SP100: variants seen among roughly 807,000 people sequenced by gnomAD.
SP100 encodes the protein SP100 nuclear body protein, also known as nuclear autoantigen Sp-100.
SP100 carries 84 observed loss-of-function variants against 130.0 expected under a neutral mutation model. The observed-to-expected ratio is 0.65, with a 90% CI of 0.54 to 0.77. The LOEUF (loss-of-function observed/expected upper bound fraction) is 0.77, where lower values mean the gene tolerates loss of function less well. SP100 is among the 30% of genes least tolerant of loss of function. The pLI, the probability that SP100 is intolerant of heterozygous loss-of-function variation, is 0.00. For missense variants in SP100, 978 were observed against 1,052.2 expected (o/e 0.93, Z 0.97); for synonymous variants, 331 against 351.7 (o/e 0.94, Z 0.66).
At position 230,450,160 on chromosome 2, in the gene SP100, G is replaced by A. The variant is rs777069600; in HGVS notation, c.737-12G>A. On this transcript the variant is annotated splice_polypyrimidine_tract_variant and intron_variant, in intron 7 of 28. Transcript: ENST00000340126. ...TCTACTGGATCTCAGCTGTGATCTC[G>A]TTTATCTCCAGAGTCCTGCGAACAA... 8.5e-5 allele frequency: 136 copies of A among 1,603,596 alleles called. No individual in the cohort carries two copies. The highest frequency in any genetic ancestry group is 2.3e-4 in the African/African-American group (17 of 74,712).
chr2:230,515,396 T>A (rs1237983109), intron 24 of SP100: 1 of 1,613,820 alleles, frequency 6.2e-7, no homozygotes, highest in Admixed American at 1.7e-5. Flanking sequence ...ATTGATGATG[T>A]TGTGAAGAAA....
Position 230,494,357 on chromosome 2 carries a change from A to G in SP100, c.1601-59A>G. ...ATGCTTGTAAACTATTGACATATAA[A>G]GTGTGTAAATCTTTGTTTATAGTTC... On this transcript the variant is annotated intron_variant, in intron 17 of 28. Transcript: ENST00000340126. 3.2e-6 allele frequency: 4 copies of G among 1,247,412 alleles called. No individual in the cohort carries two copies. In the South Asian group the frequency reaches 4.8e-5, roughly 15 times the overall value. 77.3% of individuals were successfully genotyped at this position (1,247,412 alleles called of 1,614,324 possible).
In SP100 at chr2:230,496,311, C is replaced by T. The variant is rs546079723; in HGVS notation, c.1645+1851C>T. Among the ~76,000 whole-genome samples the T allele has an allele frequency of 9.2e-4, 140 of 152,208 alleles. 1 individual carries two copies. Among genetic ancestry groups the T allele is most frequent in the African/African-American group, 2.8e-3 (118 of 41,522 alleles). ...CTAGAGCTATGCTAGTCCCTTTTAG[C>T]GGTAATATCTCATTTAATATTAAAA... On this transcript the variant is annotated intron_variant, in intron 18 of 28. Coordinates refer to ENST00000340126, the MANE Select transcript of SP100 (RefSeq NM_001080391.2).
chr2:230,522,308 T>C (rs1691208620), intron 24 of SP100, among the ~76,000 whole-genome samples: 1 of 152,106 alleles, frequency 6.6e-6, no homozygotes, highest in Non-Finnish European at 1.5e-5. Context: ...ACTGATATTC[T>C]TTCATAATAC....
intron 27 of SP100, among the ~76,000 whole-genome samples, chr2:230,541,633 G>A (rs1286139209): frequency 6.6e-6 from 1 of 152,200 alleles, no homozygotes; most frequent in Non-Finnish European, 1.5e-5. Context: ...ACGACACAGG[G>A]TTGCTCCCTG....
intron 24 of SP100, among the ~76,000 whole-genome samples, chr2:230,529,993 G>A (rs1691620821): frequency 6.6e-6 from 1 of 152,154 alleles, no homozygotes; most frequent in Non-Finnish European, 1.5e-5. Context: ...TCATGAAAAT[G>A]GCCATACTGC....
At chr2:230,473,888 A>C (rs989442780) in intron 16 of SP100, among the ~76,000 whole-genome samples, 7 of 152,166 alleles carry the variant, frequency 4.6e-5, no homozygotes, top group African/African-American at 1.7e-4. Flanking sequence ...GTTCTTGAAA[A>C]AAAAAAAAAG....
chr2:230,494,897 G>A (rs1347871822), intron 18 of SP100, among the ~76,000 whole-genome samples: 4 of 152,200 alleles, frequency 2.6e-5, no homozygotes, highest in African/African-American at 7.2e-5. Flanking sequence ...GAAATATAAC[G>A]CTGGCCGGGC....
At chr2:230,492,368 G>A (rs181504209) in intron 17 of SP100, among the ~76,000 whole-genome samples, 3 of 152,244 alleles carry the variant, frequency 2.0e-5, no homozygotes, top group Non-Finnish European at 4.4e-5. Context: ...GAGGGCAGTG[G>A]TGCAATATTA....
Position 230,466,379 on chromosome 2 carries a change from G to A in SP100, c.1195+25G>A, listed in dbSNP as rs543774293. 85 of 1,281,936 alleles carry A rather than the reference G, an allele frequency of 6.6e-5. 2 individuals are homozygous for A. In the South Asian group the frequency reaches 8.9e-4, roughly 13 times the overall value. 79.4% of individuals were successfully genotyped at this position (1,281,936 alleles called of 1,614,324 possible). A position where few individuals can be genotyped will look rare whatever the true frequency, so the allele number is the denominator to read the frequency against. On this transcript the variant is annotated intron_variant, in intron 12 of 28. Transcript: ENST00000340126. ...GGTAAGAGAAAGCTTTAGGAAAAGA[G>A]GTAAGAGAAAATAACTTCTCTTCAT...
At chr2:230,466,789 A>G (rs563367528) in intron 12 of SP100, among the ~76,000 whole-genome samples, 2 of 152,316 alleles carry the variant, frequency 1.3e-5, no homozygotes, top group African/African-American at 2.4e-5. Flanking sequence ...TCCATATACA[A>G]AAACCACAAC....
At chr2:230,452,533 G>C (rs1261587075) in intron 8 of SP100, among the ~76,000 whole-genome samples, 2 of 152,140 alleles carry the variant, frequency 1.3e-5, no homozygotes, top group African/African-American at 4.8e-5. Context: ...GAGTTGTCTG[G>C]ACATTTTAAC....
chr2:230,454,668 T>A (rs1457343273), intron 8 of SP100, among the ~76,000 whole-genome samples: 2 of 152,214 alleles, frequency 1.3e-5, no homozygotes, highest in Non-Finnish European at 2.9e-5. Flanking sequence ...ACTTCAGCCT[T>A]CTTTACTTTG....
chr2:230,506,192 TTACTG>T, intron 21 of SP100, 106 bp from the exon 22 acceptor site: 1 of 1,129,164 alleles, frequency 8.9e-7, no homozygotes, highest in East Asian at 2.4e-5. Context: ...AATTCAGACT[TTACTG>T]CTACGATCCT....
At chr2:230,507,965 C>A in intron 22 of SP100, 28 bp from the exon 23 acceptor site, 1 of 1,609,454 alleles carries the variant, frequency 6.2e-7, no homozygotes. Flanking sequence ...AAGAACCCAT[C>A]AAATCATTTA....
intron 15 of SP100, among the ~76,000 whole-genome samples, chr2:230,472,471 GA>G (rs1559507541): frequency 7.3e-6 from 1 of 136,314 alleles, no homozygotes. Flanking sequence ...AAGATTCAGA[GA>G]AACAAGCTAG....
At chr2:230,522,049 T>C (rs1013797677) in intron 24 of SP100, among the ~76,000 whole-genome samples, 3 of 152,212 alleles carry the variant, frequency 2.0e-5, no homozygotes, top group African/African-American at 7.2e-5. Flanking sequence ...TGTAATTGTG[T>C]GTGTGTTCCA....
intron 17 of SP100, among the ~76,000 whole-genome samples, chr2:230,480,331 A>T (rs1310347107): frequency 6.6e-6 from 1 of 152,258 alleles, no homozygotes; most frequent in Non-Finnish European, 1.5e-5. Context: ...GATTGTACAA[A>T]ATATGTACTT....
intron 21 of SP100, among the ~76,000 whole-genome samples, chr2:230,505,664 CA>C (rs1296033830): frequency 6.6e-6 from 1 of 152,248 alleles, no homozygotes; most frequent in Non-Finnish European, 1.5e-5. Flanking sequence ...CACCTCCCCA[CA>C]ACATAGTTCT....
Sources: allele counts gnomAD v4.1 joint callset (sites outside exome capture counted in the v4.1 genomes callset), GRCh38; gene constraint gnomAD v4.1.1; transcripts MANE v1.5; gene names NCBI Gene and HGNC (gene_info 2026-07-23, HGNC 2026-07-21).